Variants in RBFOX3 observed in about 807,000 individuals in gnomAD.
RBFOX3 encodes the protein RNA binding protein fox-1 homolog 3.
Under a neutral mutation model 48.7 loss-of-function variants are expected in RBFOX3, and 17 were observed. The ratio of observed to expected loss-of-function variants is 0.35; its 90% CI spans 0.24 to 0.52. RBFOX3 has a LOEUF of 0.52. RBFOX3 is among the 20% of genes least tolerant of loss of function. The probability of loss-of-function intolerance (pLI) is 0.94; values close to 1 mark genes in which losing one functional copy is unlikely to be tolerated. For missense variants in RBFOX3, 382 were observed against 497.5 expected, an observed-to-expected ratio of 0.77 and a Z score of 2.21; for synonymous variants, 212 against 209.5, an observed-to-expected ratio of 1.01 and a Z score of -0.10.
chr17:79,272,131 G>A (rs1246443539), intron 3 of RBFOX3, among the ~76,000 whole-genome samples: 1 of 152,228 alleles, frequency 6.6e-6, no homozygotes, highest in Non-Finnish European at 1.5e-5. Context: ...CAGCTTTGGG[G>A]TGTGTGGGGC....
At chr17:79,663,916 G>A in the RBFOX3 span, among the ~76,000 whole-genome samples, 1 of 152,158 alleles carries the variant, frequency 6.6e-6, no homozygotes, top group South Asian at 2.1e-4. Context: ...TGAGTATAAA[G>A]CTTGGGAGAG....
At chr17:79,290,210 G>C (rs1369799182) in intron 3 of RBFOX3, among the ~76,000 whole-genome samples, 2 of 152,054 alleles carry the variant, frequency 1.3e-5, no homozygotes, top group East Asian at 3.9e-4. Flanking sequence ...AGGCATCATA[G>C]AGCCTTGTGA....
At chr17:79,610,039 G>T (rs1267087034) in intron 1 of RBFOX3, among the ~76,000 whole-genome samples, 1 of 151,996 alleles carries the variant, frequency 6.6e-6, no homozygotes, top group Non-Finnish European at 1.5e-5. Context: ...CTCTGCTCCC[G>T]TTCCAGCCTT....
Position 79,477,512 on chromosome 17 carries a change from C to T in RBFOX3, c.-175+4942G>A, listed in dbSNP as rs1388258075. Among the ~76,000 whole-genome samples the T allele has an allele frequency of 6.6e-6, 1 of 151,894 alleles. No individual in the cohort carries two copies. Among genetic ancestry groups the T allele is most frequent in the Non-Finnish European group, 1.5e-5 (1 of 67,980 alleles). ...CGGAGTTTGCAGTGAGCTGAGATCG[C>T]CCCATCGCACTCCAGCCTGGGCGAC... On this transcript the variant is annotated intron_variant, in intron 2 of 14. Transcript: ENST00000693108. This position sits in a 1 kb window ranked among gnomAD's most constrained non-coding sequence, Gnocchi z 4.8.
intron 3 of RBFOX3, among the ~76,000 whole-genome samples, chr17:79,287,320 C>T (rs2072170725): frequency 6.6e-6 from 1 of 152,224 alleles, no homozygotes; most frequent in South Asian, 2.1e-4. Context: ...TAGCACTCCC[C>T]ACCCACAGGG....
chr17:79,631,621 T>A, the RBFOX3 span, among the ~76,000 whole-genome samples: 1 of 152,158 alleles, frequency 6.6e-6, no homozygotes, highest in African/African-American at 2.4e-5. Flanking sequence ...TTTGATTATG[T>A]TCTCAAGGCA....
intron 3 of RBFOX3, among the ~76,000 whole-genome samples, chr17:79,260,672 A>G (rs1196982717): frequency 1.3e-5 from 2 of 152,164 alleles, no homozygotes; most frequent in Non-Finnish European, 1.5e-5. Flanking sequence ...GGACACAGCC[A>G]AGCTGCAGCC....
chr17:79,364,636 C>A lies in RBFOX3; in HGVS notation c.-174-56812G>T, dbSNP rs936727536. On this transcript the variant is annotated intron_variant, in intron 2 of 14. Coordinates refer to ENST00000693108, the MANE Select transcript of RBFOX3 (RefSeq NM_001350451.2). The surrounding 1 kb of genome is among the most constrained non-coding windows in gnomAD (Gnocchi z 5.1). ...GGGTGTGCTGGTGGGTGACGGGGAG[C>A]GGGCGTGAGCAGGTCGGATAGCCTG... Among the ~76,000 whole-genome samples the A allele has an allele frequency of 6.6e-6, 1 of 152,132 alleles. No individual in the cohort carries two copies. The highest frequency in any genetic ancestry group is 2.4e-5 in the African/African-American group (1 of 41,426).
intron 2 of RBFOX3, among the ~76,000 whole-genome samples, chr17:79,437,932 TCACA>T (rs10597817): frequency 0.15 from 22,165 of 151,852 alleles, 1,927 homozygotes; most frequent in Non-Finnish European, 0.18. Flanking sequence ...GCACACGCAT[TCACA>T]CACAGATACA....
Position 79,114,863 on chromosome 17 carries a change from C to T in RBFOX3, c.222+631G>A, listed in dbSNP as rs575121174. Among the ~76,000 whole-genome samples, 83 of 152,326 alleles carry T rather than the reference C, an allele frequency of 5.4e-4. 1 individual carries two copies. Among genetic ancestry groups the T allele is most frequent in the African/African-American group, 1.8e-3 (76 of 41,570 alleles). The stretch of plus-strand genomic sequence containing the variant: ...CAGGGCCTGGTTTTTGTACCCAGAG[C>T]CCACTCCAGGCCAGCCGCTTGGCCA... On this transcript the variant is annotated intron_variant, in intron 5 of 14. Transcript: ENST00000693108.
intron 4 of RBFOX3, among the ~76,000 whole-genome samples, chr17:79,126,551 T>C (rs980329301): frequency 6.6e-6 from 1 of 152,112 alleles, no homozygotes; most frequent in Non-Finnish European, 1.5e-5. Context: ...TGACCTCCCC[T>C]GCCTGGAAGC....
chr17:79,506,847 A>T (rs2083218154), intron 1 of RBFOX3, among the ~76,000 whole-genome samples: 1 of 152,190 alleles, frequency 6.6e-6, no homozygotes, highest in Non-Finnish European at 1.5e-5. Flanking sequence ...CCAGCTGGGA[A>T]GCTGGAACCC....
At chr17:79,186,611 C>G (rs532918725) in intron 4 of RBFOX3, among the ~76,000 whole-genome samples, 4 of 152,144 alleles carry the variant, frequency 2.6e-5, no homozygotes, top group African/African-American at 9.7e-5. Flanking sequence ...GTGCTGCCCC[C>G]GCTCCTGGGG....
intron 4 of RBFOX3, among the ~76,000 whole-genome samples, chr17:79,172,197 GA>G (rs1258930913): frequency 3.0e-5 from 4 of 135,288 alleles, no homozygotes; most frequent in Non-Finnish European, 3.3e-5. Flanking sequence ...AAAAAAAAGA[GA>G]AAAAGAAAAA....
At chr17:79,560,030 A>G (rs992372816) in intron 1 of RBFOX3, among the ~76,000 whole-genome samples, 16 of 113,476 alleles carry the variant, frequency 1.4e-4, no homozygotes, top group Non-Finnish European at 2.3e-4. Context: ...GGGTGTATGG[A>G]TGAATGAATG....
chr17:79,223,617 C>T (rs903538173), intron 4 of RBFOX3, among the ~76,000 whole-genome samples: 3 of 152,102 alleles, frequency 2.0e-5, no homozygotes, highest in Non-Finnish European at 4.4e-5. Flanking sequence ...AGGCCAGTGG[C>T]GTGAGACATG....
intron 6 of RBFOX3, among the ~76,000 whole-genome samples, 170 bp from the exon 7 acceptor site, chr17:79,104,296 GCTGGGA>G (rs1029395913): frequency 2.6e-5 from 4 of 152,200 alleles, no homozygotes; most frequent in African/African-American, 9.7e-5. Flanking sequence ...CCATGGAGCA[GCTGGGA>G]CTTGGCCACT....
chr17:79,120,247 C>A (rs1468057847), intron 4 of RBFOX3, among the ~76,000 whole-genome samples: 1 of 152,296 alleles, frequency 6.6e-6, no homozygotes, highest in East Asian at 1.9e-4. Flanking sequence ...CAGCACAGCA[C>A]CCTGTTCTAC....
chr17:79,303,025 G>A (rs1324906981), intron 3 of RBFOX3, among the ~76,000 whole-genome samples: 2 of 152,086 alleles, frequency 1.3e-5, no homozygotes, highest in Non-Finnish European at 2.9e-5. Flanking sequence ...GCAACATAGT[G>A]AGACCTCATC....
Sources: gnomAD v4.1 joint callset for allele counts (sites outside exome capture counted in the v4.1 genomes callset) on GRCh38, gnomAD v4.1.1 for gene constraint, Gnocchi (gnomAD v3.1) non-coding constraint, MANE v1.5 for transcripts, NCBI Gene and HGNC (gene_info 2026-07-23, HGNC 2026-07-21) for gene names.